The following TUSC3 variants were observed in gnomAD, a reference collection of about 807,000 sequenced individuals.
TUSC3 encodes the protein dolichyl-diphosphooligosaccharide--protein glycosyltransferase subunit TUSC3.
TUSC3 carries 45 observed loss-of-function variants against 44.8 expected under a neutral mutation model. The observed-to-expected ratio is 1.00, with a 90% CI of 0.79 to 1.29. The LOEUF is 1.29. TUSC3 is among the 50% of genes most tolerant of loss of function. The pLI is 0.00. For missense variants in TUSC3, 519 were observed against 437.9 expected (o/e 1.19, Z -1.65); for synonymous variants, 212 against 152.9 (o/e 1.39, Z -2.85).
chr8:15,830,364 A>T, the TUSC3 span, among the ~76,000 whole-genome samples: 1 of 152,118 alleles, frequency 6.6e-6, no homozygotes, highest in Admixed American at 6.5e-5. Context: ...TGCATCAGCC[A>T]ATGTCCAGAA....
chr8:15,639,791 T>TG (rs1280169147), intron 2 of TUSC3, among the ~76,000 whole-genome samples: 1 of 151,762 alleles, frequency 6.6e-6, no homozygotes, highest in Non-Finnish European at 1.5e-5. Context: ...CGTTTTTTTT[T>TG]TTTTTGGACC....
the TUSC3 span, chr8:15,806,851 CTTCA>C: frequency 9.7e-7 from 1 of 1,034,846 alleles, no homozygotes; most frequent in Admixed American, 1.8e-5. Flanking sequence ...CGTCTAGAGT[CTTCA>C]TAGTTAATGA....
chr8:15,658,725 A>G (rs1279880215), intron 3 of TUSC3, among the ~76,000 whole-genome samples: 1 of 151,700 alleles, frequency 6.6e-6, no homozygotes, highest in African/African-American at 2.4e-5. Context: ...ATATACAAAT[A>G]TATATATTTG....
At chr8:15,552,997 G>A (rs1802110535) in intron 1 of TUSC3, among the ~76,000 whole-genome samples, 2 of 151,646 alleles carry the variant, frequency 1.3e-5, no homozygotes, top group African/African-American at 4.8e-5. Flanking sequence ...TCGGTAATTG[G>A]TTGTGTGCGG....
chr8:15,548,413 G>C (rs1442714560), intron 1 of TUSC3, among the ~76,000 whole-genome samples: 1 of 151,784 alleles, frequency 6.6e-6, no homozygotes, highest in Non-Finnish European at 1.5e-5. Context: ...ATGGCTTTGG[G>C]AAAGTTTCCT....
At chr8:15,725,412 A>C (rs1355815697) in intron 6 of TUSC3, among the ~76,000 whole-genome samples, 1 of 152,206 alleles carries the variant, frequency 6.6e-6, no homozygotes, top group African/African-American at 2.4e-5. Context: ...TGATAATATC[A>C]GGTTGGGTAT....
chr8:15,567,672 G>C (rs1429125702), intron 1 of TUSC3, among the ~76,000 whole-genome samples: 1 of 152,110 alleles, frequency 6.6e-6, no homozygotes, highest in Non-Finnish European at 1.5e-5. Flanking sequence ...GTGACATGAT[G>C]GGTTGGGATA....
intron 1 of TUSC3, among the ~76,000 whole-genome samples, chr8:15,467,236 C>T (rs1299818126): frequency 6.9e-6 from 1 of 145,400 alleles, no homozygotes. Context: ...GGTTCATTAT[C>T]TACTGTCATT....
At chr8:15,452,890 C>CTT (rs571084137) in intron 1 of TUSC3, among the ~76,000 whole-genome samples, 1 of 151,974 alleles carries the variant, frequency 6.6e-6, no homozygotes, top group Non-Finnish European at 1.5e-5. Flanking sequence ...TAATTTCATA[C>CTT]TTTTTTTTAA....
chr8:15,846,684 A>C, the TUSC3 span, among the ~76,000 whole-genome samples: 1 of 152,084 alleles, frequency 6.6e-6, no homozygotes, highest in Non-Finnish European at 1.5e-5. Context: ...ACACATGGAC[A>C]CAGGGAGGGG....
chr8:15,614,245 T>TG (rs575914448), intron 1 of TUSC3, among the ~76,000 whole-genome samples: 1 of 152,110 alleles, frequency 6.6e-6, no homozygotes, highest in African/African-American at 2.4e-5. Flanking sequence ...TAGGCTGAGA[T>TG]GGGGGTCTTT....
intron 1 of TUSC3, among the ~76,000 whole-genome samples, chr8:15,613,781 T>C (rs1479714138): frequency 6.6e-6 from 1 of 152,344 alleles, no homozygotes; most frequent in East Asian, 1.9e-4. Context: ...TGTTCTCCTT[T>C]AACTTTAACA....
At chr8:15,449,830 T>A (rs1800170452) in intron 1 of TUSC3, among the ~76,000 whole-genome samples, 2 of 152,218 alleles carry the variant, frequency 1.3e-5, no homozygotes. Context: ...ACCGTTTTTT[T>A]AATCTCTTAC....
intron 7 of TUSC3, among the ~76,000 whole-genome samples, chr8:15,739,516 T>C (rs190853723): frequency 7.2e-5 from 11 of 152,304 alleles, no homozygotes; most frequent in Non-Finnish European, 1.5e-4. Flanking sequence ...AAATGCTATA[T>C]TGTTACTGCA....
intron 1 of TUSC3, among the ~76,000 whole-genome samples, chr8:15,581,516 T>G (rs1033365473): frequency 6.8e-6 from 1 of 147,744 alleles, no homozygotes; most frequent in Non-Finnish European, 1.5e-5. Context: ...TCCTTTCTGT[T>G]TGTTAGTTTT....
the TUSC3 span, among the ~76,000 whole-genome samples, chr8:15,787,147 C>A: frequency 1.1e-4 from 16 of 152,044 alleles, no homozygotes; most frequent in South Asian, 1.0e-3. Flanking sequence ...CTGCCAATTA[C>A]ATCATTTTCA....
rs138539742 is a variant in TUSC3, at chr8:15,501,005, C to A, written n.189+17522C>A. ...AACTCTTTCTGTATAGCTATAATAC[C>A]AAATAACAGTTTTCCTTTGTATTCT... On this transcript the variant is annotated intron_variant and non_coding_transcript_variant, in intron 2 of 5. Coordinates refer to the TUSC3 transcript ENST00000503191. Among the ~76,000 whole-genome samples the A allele has an allele frequency of 2.2e-4, 34 of 152,112 alleles. No individual in the cohort carries two copies. In the East Asian group the frequency reaches 6.6e-3, roughly 29 times the overall value.
Position 15,540,584 on chromosome 8 carries a change from T to C in TUSC3, c.138+16T>C. ...GAAAAAGGAGGTAGAATGGATCCCC[T>C]TGGCCTTCCCCTGTGGGCGGGGGCG... On this transcript the variant is annotated intron_variant, in intron 1 of 10. Coordinates refer to ENST00000503731, the MANE Select transcript of TUSC3 (RefSeq NM_006765.4). 1 of 1,551,348 alleles carries C rather than the reference T, an allele frequency of 6.4e-7. No individual in the cohort carries two copies. Among genetic ancestry groups the C allele is most frequent in the East Asian group, 2.6e-5 (1 of 39,074 alleles).
intron 2 of TUSC3, among the ~76,000 whole-genome samples, chr8:15,523,820 G>A (rs1392919472): frequency 1.3e-5 from 2 of 150,708 alleles, no homozygotes; most frequent in African/African-American, 2.4e-5. Flanking sequence ...CACTTTGAAA[G>A]GCCGAGGCAG....
Sources: gnomAD v4.1 joint callset for allele counts (sites outside exome capture counted in the v4.1 genomes callset) on GRCh38, gnomAD v4.1.1 for gene constraint, MANE v1.5 for transcripts, NCBI Gene and HGNC (gene_info 2026-07-23, HGNC 2026-07-21) for gene names.